REEP3: variants seen among roughly 807,000 people sequenced by gnomAD.
REEP3 encodes receptor accessory protein 3, also known as receptor expression-enhancing protein 3.
REEP3 carries 20 observed loss-of-function variants against 41.3 expected under a neutral mutation model. That is an observed-to-expected ratio of 0.48 (90% confidence interval 0.34 to 0.70). The LOEUF (loss-of-function observed/expected upper bound fraction) is 0.70. Among genes scored for constraint, REEP3 ranks in the 30% least tolerant of loss-of-function variants. REEP3 has a pLI of 0.01. For synonymous variants in REEP3, 104 were observed against 101.8 expected (o/e 1.02, Z -0.13); for missense variants, 271 against 308.8 (o/e 0.88, Z 0.92).
At chr10:63,587,987 T>C (rs1956023370) in intron 2 of REEP3, among the ~76,000 whole-genome samples, 1 of 152,238 alleles carries the variant, frequency 6.6e-6, no homozygotes, top group Admixed American at 6.5e-5. Flanking sequence ...CACCCAGAAC[T>C]GGTGAAGGCA....
intron 2 of REEP3, among the ~76,000 whole-genome samples, chr10:63,582,804 C>A (rs1358504911): frequency 1.3e-5 from 2 of 152,144 alleles, no homozygotes; most frequent in Non-Finnish European, 2.9e-5. Context: ...ACTCAGGCAG[C>A]CCCTCTTTAC....
At chr10:63,583,571 G>T (rs1955975597) in intron 2 of REEP3, among the ~76,000 whole-genome samples, 1 of 152,140 alleles carries the variant, frequency 6.6e-6, no homozygotes, top group Non-Finnish European at 1.5e-5. Flanking sequence ...AGATGGAGTC[G>T]ACTGTGTGAA....
At chr10:63,597,693 C>T (rs1015020670) in intron 3 of REEP3, among the ~76,000 whole-genome samples, 2 of 152,168 alleles carry the variant, frequency 1.3e-5, no homozygotes, top group African/African-American at 2.4e-5. Flanking sequence ...GGGCGGATCA[C>T]ATGAGGTCAG....
At chr10:63,530,735 G>A (rs922584465) in intron 1 of REEP3, among the ~76,000 whole-genome samples, 4 of 152,052 alleles carry the variant, frequency 2.6e-5, no homozygotes, top group African/African-American at 9.7e-5. Flanking sequence ...TTTATATTAT[G>A]TACTTTAAGT....
chr10:63,613,053 C>T (rs765604620), intron 6 of REEP3, among the ~76,000 whole-genome samples: 3 of 151,852 alleles, frequency 2.0e-5, no homozygotes, highest in African/African-American at 7.3e-5. Flanking sequence ...CCTCTGTCAC[C>T]GAGGCTGGTG....
chr10:63,618,094 G>A (rs1035135808), intron 6 of REEP3, among the ~76,000 whole-genome samples: 5 of 151,724 alleles, frequency 3.3e-5, no homozygotes, highest in Non-Finnish European at 7.4e-5. Flanking sequence ...CCGAAGTGCT[G>A]GGATTACAGG....
At position 63,623,861 on chromosome 10, in the gene REEP3, T is replaced by C. The variant is rs985965141; in HGVS notation, c.*2992T>C. On this transcript the variant is annotated 3_prime_UTR_variant, in exon 8 of 8. Coordinates refer to ENST00000373758, the MANE Select transcript of REEP3 (RefSeq NM_001001330.3). ...ATAAATACTTGACTACACTGATTGATGGGACAAAATGATTAAAGTATTTTC... is the reference window on the plus strand; with the variant it reads ...ATAAATACTTGACTACACTGATTGACGGGACAAAATGATTAAAGTATTTTC... 4 of 154,136 alleles carry C rather than the reference T, an allele frequency of 2.6e-5. No homozygotes were observed. Among genetic ancestry groups the C allele is most frequent in the African/African-American group, 7.2e-5 (3 of 41,552 alleles). 9.5% of individuals were successfully genotyped at this position (154,136 alleles called of 1,614,324 possible).
At chr10:63,619,565 C>T in intron 6 of REEP3, 90 bp from the exon 7 acceptor site, 5 of 1,125,904 alleles carry the variant, frequency 4.4e-6, no homozygotes, top group South Asian at 1.6e-5. Flanking sequence ...AAATGCAAAC[C>T]ATACAAAGAA....
At chr10:63,558,463 T>G (rs572344625) in intron 1 of REEP3, among the ~76,000 whole-genome samples, 68 of 152,312 alleles carry the variant, frequency 4.5e-4, no homozygotes, top group African/African-American at 1.5e-3. Context: ...TAGTATAAAC[T>G]GGATTACTAA....
At chr10:63,585,745 T>G (rs1392553060) in intron 2 of REEP3, among the ~76,000 whole-genome samples, 1 of 152,204 alleles carries the variant, frequency 6.6e-6, no homozygotes, top group African/African-American at 2.4e-5. Flanking sequence ...ACAAGTTATA[T>G]AAAGGTATCA....
chr10:63,552,867 T>G (rs1955642397), intron 1 of REEP3, among the ~76,000 whole-genome samples: 1 of 152,196 alleles, frequency 6.6e-6, no homozygotes, highest in East Asian at 1.9e-4. Context: ...GTAGTGTAGT[T>G]CTTGTGGCAC....
chr10:63,592,707 A>G (rs1011497916), intron 2 of REEP3, among the ~76,000 whole-genome samples: 4 of 151,588 alleles, frequency 2.6e-5, no homozygotes, highest in Non-Finnish European at 4.4e-5. Context: ...TCTGGCCAAC[A>G]TGGTGAAACC....
intron 2 of REEP3, among the ~76,000 whole-genome samples, chr10:63,593,558 G>GC (rs1169858716): frequency 3.3e-5 from 5 of 152,148 alleles, no homozygotes; most frequent in Admixed American, 2.0e-4. Flanking sequence ...GTAATTCCTC[G>GC]CCCCCTGGTT....
Position 63,573,100 on chromosome 10 carries a change from A to G in REEP3, c.105+6690A>G, listed in dbSNP as rs754071500. 2.6e-5 allele frequency among the ~76,000 whole-genome samples: 4 copies of G among 152,192 alleles called. No individual in the cohort carries two copies. The East Asian group carries it at 5.8e-4, about 22-fold the overall frequency. On this transcript the variant is annotated intron_variant, in intron 2 of 7. Transcript: ENST00000373758. ...GTTAATTTACTTCTTCCCACCCCCA[A>G]CTACTACCATTCCCCTTAAGCCTGC...
At chr10:63,532,335 A>C (rs1445171681) in intron 1 of REEP3, among the ~76,000 whole-genome samples, 2 of 152,228 alleles carry the variant, frequency 1.3e-5, no homozygotes, top group African/African-American at 4.8e-5. Flanking sequence ...GAGCATTAAC[A>C]CTTTCAAGTA....
rs576021900 is a variant in REEP3 at position 63,554,668 on chromosome 10, G to A, written c.33-11670G>A. ...GAACTAGAACAATAGCACCTACCTC[G>A]CCTATGAATTTTCTGTGTGTAATGA... On this transcript the variant is annotated intron_variant, in intron 1 of 7. Coordinates refer to ENST00000373758, the MANE Select transcript of REEP3 (RefSeq NM_001001330.3). 5.3e-5 allele frequency among the ~76,000 whole-genome samples: 8 copies of A among 152,130 alleles called. No homozygotes were observed. The East Asian group carries it at 9.7e-4, about 18-fold the overall frequency.
At position 63,622,000 on chromosome 10, in the gene REEP3, T is replaced by A. The variant is rs1956357769; in HGVS notation, c.*1131T>A. 1 of 152,218 alleles carries A rather than the reference T, an allele frequency of 6.6e-6. No individual in the cohort carries two copies. Among genetic ancestry groups the A allele is most frequent in the Non-Finnish European group, 1.5e-5 (1 of 68,026 alleles). 9.4% of individuals were successfully genotyped at this position (152,218 alleles called of 1,614,324 possible). A position where few individuals can be genotyped will look rare whatever the true frequency, so the allele number is the denominator to read the frequency against. On this transcript the variant is annotated 3_prime_UTR_variant, in exon 8 of 8. Coordinates refer to ENST00000373758, the MANE Select transcript of REEP3 (RefSeq NM_001001330.3). ...ACATTAGAAATTATTAGAAACATAT[T>A]ACTTTTTAACTTTAAATCTCAAAGA...
At chr10:63,572,345 T>G (rs1955860640) in intron 2 of REEP3, among the ~76,000 whole-genome samples, 1 of 152,064 alleles carries the variant, frequency 6.6e-6, no homozygotes, top group African/African-American at 2.4e-5. Context: ...CGGATACATG[T>G]GCGGAACGTG....
Position 63,594,561 on chromosome 10 carries a change from C to T in REEP3, c.106-217C>T, listed in dbSNP as rs142260642. 4.9e-3 allele frequency among the ~76,000 whole-genome samples: 747 copies of T among 152,240 alleles called. 2 individuals are homozygous for T. The highest frequency in any genetic ancestry group is 7.4e-3 in the Non-Finnish European group (504 of 68,024). The stretch of plus-strand genomic sequence containing the variant: ...TTGTTAATCTTTGCTCCTGCTATCC[C>T]AAGACTGTTGATGTAGTAATGTAAA... On this transcript the variant is annotated intron_variant, in intron 2 of 7. Coordinates refer to ENST00000373758, the MANE Select transcript of REEP3 (RefSeq NM_001001330.3).
Sources: allele counts gnomAD v4.1 joint callset (sites outside exome capture counted in the v4.1 genomes callset), GRCh38; gene constraint gnomAD v4.1.1; transcripts MANE v1.5; gene names NCBI Gene and HGNC (gene_info 2026-07-23, HGNC 2026-07-21).